RBFOX1: variants seen among roughly 807,000 people sequenced by gnomAD.
RBFOX1 encodes RNA binding protein fox-1 homolog 1.
Under a neutral mutation model 57.7 loss-of-function variants are expected in RBFOX1, and 8 were observed. The observed-to-expected ratio is 0.14, with a 90% confidence interval of 0.08 to 0.25. The LOEUF (loss-of-function observed/expected upper bound fraction) is 0.25. RBFOX1 is among the 10% of genes least tolerant of loss of function. The probability of loss-of-function intolerance (pLI) is 1.00; values close to 1 mark genes in which losing one functional copy is unlikely to be tolerated. For synonymous variants in RBFOX1, 326 were observed against 222.4 expected, an observed-to-expected ratio of 1.47 and a Z score of -4.15; for missense variants, 611 against 548.5, an observed-to-expected ratio of 1.11 and a Z score of -1.14.
intron 2 of RBFOX1, among the ~76,000 whole-genome samples, chr16:5,504,284 C>T (rs1487271760): frequency 6.6e-6 from 1 of 152,234 alleles, no homozygotes; most frequent in African/African-American, 2.4e-5. Context: ...CCTCCCAGGA[C>T]CCAACAGCTG....
At chr16:6,745,287 A>T (rs1237631441) in intron 3 of RBFOX1, among the ~76,000 whole-genome samples, 1 of 152,128 alleles carries the variant, frequency 6.6e-6, no homozygotes, top group African/African-American at 2.4e-5. Flanking sequence ...TACATTTCCC[A>T]ATCCATTCTA....
At chr16:6,522,605 G>C (rs2052233) in intron 2 of RBFOX1, among the ~76,000 whole-genome samples, 5,563 of 152,190 alleles carry the variant, frequency 0.037, 369 homozygotes, top group African/African-American at 0.13. Context: ...AGTTAAATAT[G>C]ACCTGTTCAG....
intron 1 of RBFOX1, among the ~76,000 whole-genome samples, chr16:5,447,048 C>G (rs1403936745): frequency 6.6e-6 from 1 of 151,954 alleles, no homozygotes; most frequent in African/African-American, 2.4e-5. Flanking sequence ...AGATGCTAAT[C>G]TCTAAGCAAA....
At chr16:6,847,869 G>C (rs1478944278) in intron 3 of RBFOX1, among the ~76,000 whole-genome samples, 4 of 151,852 alleles carry the variant, frequency 2.6e-5, no homozygotes, top group Non-Finnish European at 5.9e-5. Flanking sequence ...ATGGAGTCTT[G>C]GTCTGTCAGT....
intron 2 of RBFOX1, among the ~76,000 whole-genome samples, chr16:6,508,791 T>G (rs1274206342): frequency 6.6e-6 from 1 of 152,136 alleles, no homozygotes; most frequent in Non-Finnish European, 1.5e-5. Context: ...GAGAAGAAAT[T>G]TGCCATTTAT....
chr16:7,030,477 T>G (rs2042502395), intron 3 of RBFOX1, among the ~76,000 whole-genome samples: 1 of 152,184 alleles, frequency 6.6e-6, no homozygotes, highest in Non-Finnish European at 1.5e-5. Context: ...GTAGAATCCT[T>G]CCTTCCTTCT....
chr16:5,558,757 C>A (rs1305335255), intron 2 of RBFOX1, among the ~76,000 whole-genome samples: 1 of 152,060 alleles, frequency 6.6e-6, no homozygotes, highest in Non-Finnish European at 1.5e-5. Flanking sequence ...GCTTTCTGGC[C>A]AAAGCCCCCA....
At chr16:7,389,056 A>T (rs1008391003) in intron 4 of RBFOX1, among the ~76,000 whole-genome samples, 27 of 152,160 alleles carry the variant, frequency 1.8e-4, no homozygotes, top group African/African-American at 6.5e-4. Context: ...GTATGGCCAT[A>T]TGTAATATGT....
At position 7,209,124 on chromosome 16, in the gene RBFOX1, G is replaced by A. The variant is rs569415274; in HGVS notation, c.27+157026G>A. On this transcript the variant is annotated intron_variant, in intron 4 of 15. Transcript: ENST00000550418. ...AGCCTGGCCAACGTGGTGAAACTCTGTCTCTACCAAAAATACAAAATAATA... is the reference window on the plus strand; with the variant it reads ...AGCCTGGCCAACGTGGTGAAACTCTATCTCTACCAAAAATACAAAATAATA... Among the ~76,000 whole-genome samples, 6 of 149,174 alleles carry A rather than the reference G, an allele frequency of 4.0e-5. No individual in the cohort carries two copies. In the East Asian group the frequency reaches 1.2e-3, roughly 29 times the overall value.
chr16:7,466,127 C>T (rs1445707954), intron 4 of RBFOX1, among the ~76,000 whole-genome samples: 1 of 152,138 alleles, frequency 6.6e-6, no homozygotes. Context: ...TGGTTTTAGG[C>T]AACAGTGAAC....
At chr16:5,667,689 T>G (rs1171315406) in intron 3 of RBFOX1, among the ~76,000 whole-genome samples, 3 of 152,258 alleles carry the variant, frequency 2.0e-5, no homozygotes, top group Non-Finnish European at 2.9e-5. Context: ...ATTTATCCTT[T>G]CTAGTTGGTG....
At chr16:6,285,191 C>A (rs2076776109) in intron 1 of RBFOX1, among the ~76,000 whole-genome samples, 1 of 151,978 alleles carries the variant, frequency 6.6e-6, no homozygotes, top group South Asian at 2.1e-4. Context: ...AAAAGGGGGT[C>A]CCGTTAATTT....
chr16:5,890,478 C>T (rs1274155064), intron 4 of RBFOX1, among the ~76,000 whole-genome samples: 1 of 152,014 alleles, frequency 6.6e-6, no homozygotes, highest in Admixed American at 6.6e-5. Flanking sequence ...GCGGGCAGAT[C>T]ACGAGGTCAG....
intron 4 of RBFOX1, among the ~76,000 whole-genome samples, chr16:7,322,593 G>A (rs1237295095): frequency 6.6e-6 from 1 of 152,212 alleles, no homozygotes; most frequent in East Asian, 1.9e-4. Context: ...TCTCTACAAT[G>A]ATGGGGAATA....
chr16:5,818,848 G>A (rs2055742265), intron 3 of RBFOX1, among the ~76,000 whole-genome samples: 1 of 152,172 alleles, frequency 6.6e-6, no homozygotes, highest in Non-Finnish European at 1.5e-5. Context: ...CAGTGGGAGA[G>A]AGGACTCCTT....
At chr16:6,505,155 C>G (rs1380024393) in intron 2 of RBFOX1, among the ~76,000 whole-genome samples, 1 of 152,074 alleles carries the variant, frequency 6.6e-6, no homozygotes, top group African/African-American at 2.4e-5. Context: ...GGTTTCTGCC[C>G]TAGTTATGCA....
intron 1 of RBFOX1, among the ~76,000 whole-genome samples, chr16:6,035,668 A>C (rs2095356459): frequency 6.6e-6 from 1 of 152,194 alleles, no homozygotes; most frequent in African/African-American, 2.4e-5. Context: ...GCAGACATTG[A>C]TAATCAATTC....
intron 3 of RBFOX1, among the ~76,000 whole-genome samples, chr16:6,986,722 G>T (rs1013636396): frequency 2.6e-5 from 4 of 151,930 alleles, no homozygotes; most frequent in African/African-American, 9.7e-5. Context: ...AATTCTTGAT[G>T]GGTATCTTTT....
chr16:6,840,586 T>A lies in RBFOX1; in HGVS notation c.-16+185936T>A, dbSNP rs150356467. 7.2e-5 allele frequency among the ~76,000 whole-genome samples: 11 copies of A among 152,158 alleles called. No homozygotes were observed. The East Asian group carries it at 1.9e-3, about 27-fold the overall frequency. ...GCATAGCCCTCATGAATGGGATTAGTGCCTTCATAAAAAGGCTTGAGTCTG... is the reference window on the plus strand; with the variant it reads ...GCATAGCCCTCATGAATGGGATTAGAGCCTTCATAAAAAGGCTTGAGTCTG... On this transcript the variant is annotated intron_variant, in intron 3 of 15. Transcript: ENST00000550418.
Sources: allele counts gnomAD v4.1 joint callset (sites outside exome capture counted in the v4.1 genomes callset), GRCh38; gene constraint gnomAD v4.1.1; transcripts MANE v1.5; gene names NCBI Gene and HGNC (gene_info 2026-07-23, HGNC 2026-07-21).